Variants in TEX36 observed in about 807,000 individuals in gnomAD.
The protein encoded by TEX36 is testis-expressed protein 36.
TEX36 carries 12 observed loss-of-function variants against 13.6 expected under a neutral mutation model. The ratio of observed to expected loss-of-function variants is 0.88; its 90% confidence interval spans 0.56 to 1.43. The LOEUF (loss-of-function observed/expected upper bound fraction) is 1.43. Among genes scored for constraint, TEX36 ranks in the 40% most tolerant of loss-of-function variants. The probability of loss-of-function intolerance (pLI) is 0.00; values close to 1 mark genes in which losing one functional copy is unlikely to be tolerated. For missense variants in TEX36, 224 were observed against 228.3 expected (o/e 0.98, Z 0.12); for synonymous variants, 93 against 83.0 (o/e 1.12, Z -0.65).
intron 3 of TEX36, among the ~76,000 whole-genome samples, chr10:125,614,110 C>T (rs1589755185): frequency 6.6e-6 from 1 of 152,260 alleles, no homozygotes; most frequent in South Asian, 2.1e-4. Context: ...TGTCCTTTGC[C>T]CACTTTTTGA....
intron 3 of TEX36, among the ~76,000 whole-genome samples, chr10:125,623,958 G>A (rs1029835122): frequency 3.9e-5 from 6 of 152,200 alleles, no homozygotes; most frequent in Non-Finnish European, 1.5e-5. Context: ...ACGTGTGAGC[G>A]TTAGTGGGAT....
At chr10:125,624,217 A>G (rs2133562278) in intron 3 of TEX36, among the ~76,000 whole-genome samples, 1 of 152,316 alleles carries the variant, frequency 6.6e-6, no homozygotes, top group South Asian at 2.1e-4. Flanking sequence ...TCTTCTCCCA[A>G]GACCTCCCTG....
chr10:125,595,950 A>G (rs751929604), intron 3 of TEX36, among the ~76,000 whole-genome samples: 41 of 152,242 alleles, frequency 2.7e-4, no homozygotes, highest in Non-Finnish European at 5.1e-4. Context: ...CTGATGCTCC[A>G]AAGTGTTTCT....
intron 3 of TEX36, among the ~76,000 whole-genome samples, chr10:125,660,163 A>T (rs1847011221): frequency 6.6e-6 from 1 of 152,190 alleles, no homozygotes; most frequent in Non-Finnish European, 1.5e-5. Context: ...TCACTCTGAC[A>T]CCCAGGCTGG....
chr10:125,586,621 C>T (rs1845952745), intron 3 of TEX36, among the ~76,000 whole-genome samples: 1 of 112,830 alleles, frequency 8.9e-6, no homozygotes, highest in South Asian at 3.3e-4. Context: ...GAAACTCCGT[C>T]TCTACTAAAA....
intron 3 of TEX36, among the ~76,000 whole-genome samples, chr10:125,581,071 C>T (rs1845875787): frequency 6.6e-6 from 1 of 152,164 alleles, no homozygotes; most frequent in Admixed American, 6.5e-5. Context: ...AGCCCCGGCC[C>T]ACCTGAGTTC....
chr10:125,647,737 G>T (rs1846792804), intron 3 of TEX36, among the ~76,000 whole-genome samples: 1 of 152,182 alleles, frequency 6.6e-6, no homozygotes, highest in African/African-American at 2.4e-5. Flanking sequence ...AAGGGGTCAG[G>T]GAATTCCCTT....
At chr10:125,584,995 C>T (rs1025568740) in intron 3 of TEX36, among the ~76,000 whole-genome samples, 4 of 152,184 alleles carry the variant, frequency 2.6e-5, no homozygotes, top group Admixed American at 2.6e-4. Context: ...AATGTCTCAA[C>T]ATGGGTCCCT....
intron 3 of TEX36, among the ~76,000 whole-genome samples, chr10:125,599,112 C>T (rs1435430227): frequency 6.6e-6 from 1 of 151,920 alleles, no homozygotes; most frequent in African/African-American, 2.4e-5. Context: ...TTAAAATAAT[C>T]GGAAAAAACT....
At chr10:125,624,823 C>G (rs1299413689) in intron 3 of TEX36, among the ~76,000 whole-genome samples, 1 of 152,004 alleles carries the variant, frequency 6.6e-6, no homozygotes, top group African/African-American at 2.4e-5. Context: ...AAGTGACTGT[C>G]CTTTCCGCAA....
At chr10:125,667,704 T>C (rs903817579) in intron 1 of TEX36, 9 of 744,008 alleles carry the variant, frequency 1.2e-5, no homozygotes, top group Non-Finnish European at 2.2e-5. Flanking sequence ...TGGTAGAGTG[T>C]CTGGTGGAAG....
chr10:125,656,180 T>G lies in TEX36; in HGVS notation c.281A>C (p.Lys94Thr), dbSNP rs1284772597. ...CYLDSGLGRK[K>T]ISPDKRQHVS... ...ATGTTGCCTCTTATCTGGAGAGATC[T>G]TCTTACGTCCCAGGCCCTGGAGAGA... The change falls in exon 4 of 4, where the codon AAG becomes ACG. Residue 94 changes from lysine (K) to threonine (T), a missense_variant. Transcript: ENST00000368821. The G allele has an allele frequency of 6.6e-7, 1 of 1,515,716 alleles. No individual in the cohort carries two copies. Among genetic ancestry groups the G allele is most frequent in the Admixed American group, 2.1e-5 (1 of 47,284 alleles). The allele number at this position is 1,515,716 out of a possible 1,614,324, so 93.9% of individuals were successfully genotyped here.
At chr10:125,626,683 A>G (rs917998732) in intron 3 of TEX36, among the ~76,000 whole-genome samples, 3 of 152,176 alleles carry the variant, frequency 2.0e-5, no homozygotes, top group Non-Finnish European at 4.4e-5. Context: ...AAGGAGGGCA[A>G]TCAGGGAGGG....
At chr10:125,576,990 C>G (rs1315475542) in intron 3 of TEX36, 23 of 1,345,382 alleles carry the variant, frequency 1.7e-5, no homozygotes, top group Non-Finnish European at 2.3e-5. Context: ...TTAAAAACAC[C>G]CCAGAGAAGG....
At chr10:125,640,720 A>G (rs1846677729) in intron 3 of TEX36, among the ~76,000 whole-genome samples, 1 of 152,114 alleles carries the variant, frequency 6.6e-6, no homozygotes, top group Admixed American at 6.5e-5. Flanking sequence ...ACTAGAAGAC[A>G]GGGTTACTCT....
chr10:125,672,541 T>G (rs898699648), intron 1 of TEX36, among the ~76,000 whole-genome samples: 1 of 152,230 alleles, frequency 6.6e-6, no homozygotes, highest in South Asian at 2.1e-4. Context: ...AGGAGTGTTT[T>G]ACTTCCCATC....
chr10:125,631,736 C>T (rs549631515), intron 3 of TEX36, among the ~76,000 whole-genome samples: 2 of 152,200 alleles, frequency 1.3e-5, no homozygotes, highest in East Asian at 3.9e-4. Flanking sequence ...CAAGGCCCAG[C>T]GATGTCAACG....
intron 3 of TEX36, among the ~76,000 whole-genome samples, chr10:125,593,340 C>T (rs1341102559): frequency 6.6e-6 from 1 of 152,180 alleles, no homozygotes; most frequent in African/African-American, 2.4e-5. Flanking sequence ...AAGAAATCAT[C>T]CCCAACTCCT....
intron 3 of TEX36, among the ~76,000 whole-genome samples, chr10:125,581,986 G>A (rs897560628): frequency 1.1e-4 from 16 of 152,222 alleles, no homozygotes; most frequent in South Asian, 2.1e-4. Flanking sequence ...ACTCATACAA[G>A]GCCACAGTGA....
Sources: gnomAD v4.1 joint callset for allele counts (sites outside exome capture counted in the v4.1 genomes callset) on GRCh38, gnomAD v4.1.1 for gene constraint, MANE v1.5 for transcripts, NCBI Gene and HGNC (gene_info 2026-07-23, HGNC 2026-07-21) for gene names.